Variants in KIF26B observed in about 807,000 individuals in gnomAD.
The protein encoded by KIF26B is kinesin family member 26B.
A neutral mutation model predicts 151.2 loss-of-function variants in KIF26B; 63 were observed. The observed-to-expected ratio is 0.42, with a 90% CI of 0.34 to 0.51. KIF26B has a LOEUF of 0.51. KIF26B is among the 20% of genes least tolerant of loss of function. The pLI, the probability that KIF26B is intolerant of heterozygous loss-of-function variation, is 0.07. For missense variants in KIF26B, 2,813 were observed against 2,913.6 expected, an observed-to-expected ratio of 0.97 and a Z score of 0.79; for synonymous variants, 1,357 against 1,262.1, an observed-to-expected ratio of 1.08 and a Z score of -1.59.
chr1:245,428,242 C>G (rs1197074588), intron 4 of KIF26B, among the ~76,000 whole-genome samples: 2 of 152,186 alleles, frequency 1.3e-5, no homozygotes, highest in Non-Finnish European at 2.9e-5. Flanking sequence ...AGAAGGGACT[C>G]TCACTCATGT....
intron 5 of KIF26B, among the ~76,000 whole-genome samples, chr1:245,584,336 T>G (rs1315523693): frequency 4.7e-5 from 7 of 148,218 alleles, no homozygotes; most frequent in Admixed American, 2.6e-4. Flanking sequence ...CCTCTTTTCT[T>G]TATAAATACC....
chr1:245,482,636 G>C (rs1308623491), intron 4 of KIF26B, among the ~76,000 whole-genome samples: 2 of 151,722 alleles, frequency 1.3e-5, no homozygotes, highest in Non-Finnish European at 3.0e-5. Context: ...GGCACAGCTG[G>C]GTAGGAGAGG....
rs150598487 is a variant in KIF26B at position 245,178,050 on chromosome 1, G to C, written c.465+21367G>C. ...GAGCTATCTTTGGCAGCTAGATTGG[G>C]ATGTTTCTGGGCAGAGATATTTGTC... On this transcript the variant is annotated intron_variant, in intron 2 of 14. Coordinates refer to ENST00000407071, the MANE Select transcript of KIF26B (RefSeq NM_018012.4). 5.4e-3 allele frequency among the ~76,000 whole-genome samples: 815 copies of C among 152,322 alleles called. 7 individuals carry two copies. Among genetic ancestry groups the C allele is most frequent in the Non-Finnish European group, 9.1e-3 (622 of 68,030 alleles).
At chr1:245,673,041 G>A (rs1256818910) in intron 10 of KIF26B, among the ~76,000 whole-genome samples, 1 of 151,328 alleles carries the variant, frequency 6.6e-6, no homozygotes, top group Non-Finnish European at 1.5e-5. Flanking sequence ...GCCATCTTAG[G>A]CCCAGTCCCC....
intron 3 of KIF26B, among the ~76,000 whole-genome samples, chr1:245,409,144 C>A (rs912533457): frequency 2.0e-5 from 3 of 152,242 alleles, no homozygotes; most frequent in African/African-American, 7.2e-5. Context: ...AGCATACCTG[C>A]AAGGTGAATT....
intron 2 of KIF26B, among the ~76,000 whole-genome samples, chr1:245,171,340 G>A (rs1407903786): frequency 1.3e-5 from 2 of 152,126 alleles, no homozygotes; most frequent in African/African-American, 2.4e-5. Context: ...TCGGGAGTTC[G>A]AAACCAGCCT....
chr1:245,475,966 T>C (rs1660029733), intron 4 of KIF26B, among the ~76,000 whole-genome samples: 1 of 151,886 alleles, frequency 6.6e-6, no homozygotes, highest in South Asian at 2.1e-4. Flanking sequence ...CGAATGTTCA[T>C]GGCAGCGTTA....
At chr1:245,536,640 T>TG (rs1244184716) in intron 4 of KIF26B, among the ~76,000 whole-genome samples, 1 of 152,180 alleles carries the variant, frequency 6.6e-6, no homozygotes, top group Admixed American at 6.5e-5. Flanking sequence ...TCGAGGTTTC[T>TG]GGGGGTCTAA....
At chr1:245,208,924 A>T (rs1264408685) in intron 2 of KIF26B, among the ~76,000 whole-genome samples, 3 of 152,194 alleles carry the variant, frequency 2.0e-5, no homozygotes, top group Non-Finnish European at 4.4e-5. Context: ...CTGTGTGGCC[A>T]TCGGCTCTGT....
rs549470018 is a variant in KIF26B, at chr1:245,667,050, A to G, written c.2259-17183A>G. The stretch of plus-strand genomic sequence containing the variant: ...CACCCTTGAAGACTGTGAGCTGTGC[A>G]GAACGAAGCAGGTCATGGCTTGTCC... On this transcript the variant is annotated intron_variant, in intron 10 of 14. Coordinates refer to ENST00000407071, the MANE Select transcript of KIF26B (RefSeq NM_018012.4). The surrounding 1 kb of genome is among the most constrained non-coding windows in gnomAD (Gnocchi z 4.3). Among the ~76,000 whole-genome samples the G allele has an allele frequency of 2.0e-5, 3 of 152,282 alleles. No homozygotes were observed. The highest frequency in any genetic ancestry group is 7.2e-5 in the African/African-American group (3 of 41,552).
chr1:245,183,815 G>A (rs1206257909), intron 2 of KIF26B, among the ~76,000 whole-genome samples: 2 of 152,010 alleles, frequency 1.3e-5, no homozygotes, highest in Non-Finnish European at 2.9e-5. Context: ...AGCAAATTAA[G>A]CATCAGAGAA....
rs780532242 is a variant in KIF26B, at chr1:245,391,986, C to T, written c.999+24619C>T. ...TTATAACTCCTATGCTGGAACATTT[C>T]GAGAGCAGAGTTACAGAACAAGAAG... On this transcript the variant is annotated intron_variant, in intron 3 of 14. Transcript: ENST00000407071. Among the ~76,000 whole-genome samples the T allele has an allele frequency of 3.3e-5, 5 of 150,298 alleles. No individual in the cohort carries two copies. The South Asian group carries it at 8.4e-4, about 25-fold the overall frequency.
At chr1:245,247,748 C>T (rs1262473633) in intron 2 of KIF26B, among the ~76,000 whole-genome samples, 1 of 152,336 alleles carries the variant, frequency 6.6e-6, no homozygotes. Flanking sequence ...ATCTCTTAAA[C>T]TAGAAGGCAG....
At chr1:245,303,192 ATGTTCTTTT>A (rs944732759) in intron 2 of KIF26B, among the ~76,000 whole-genome samples, 23 of 133,352 alleles carry the variant, frequency 1.7e-4, no homozygotes, top group Non-Finnish European at 2.7e-4. Context: ...ACTAAACTAA[ATGTTCTTTT>A]TTTTTTTTTT....
chr1:245,379,652 T>C lies in KIF26B; in HGVS notation c.999+12285T>C, dbSNP rs972755995. On this transcript the variant is annotated intron_variant, in intron 3 of 14. Transcript: ENST00000407071. ...TTTCTTTTAAAATTATTATATAATT[T>C]GCAAGTTTCGATAAATTGGAAAATT... is the stretch of plus-strand genomic sequence containing the variant. Among the ~76,000 whole-genome samples, 6 of 152,194 alleles carry C rather than the reference T, an allele frequency of 3.9e-5. No homozygotes were observed. In the South Asian group the frequency reaches 6.2e-4, roughly 16 times the overall value.
intron 4 of KIF26B, among the ~76,000 whole-genome samples, chr1:245,526,128 A>G (rs1661231620): frequency 6.6e-6 from 1 of 152,148 alleles, no homozygotes; most frequent in African/African-American, 2.4e-5. Context: ...CTTCCTGAAG[A>G]TTTCTTCTCT....
intron 10 of KIF26B, among the ~76,000 whole-genome samples, chr1:245,678,280 G>A (rs1471973318): frequency 6.6e-6 from 1 of 151,984 alleles, no homozygotes; most frequent in African/African-American, 2.4e-5. Flanking sequence ...TTGGGGCCTA[G>A]GGCTGGGAGA....
At chr1:245,413,154 G>A (rs1396989527) in intron 3 of KIF26B, among the ~76,000 whole-genome samples, 4 of 152,146 alleles carry the variant, frequency 2.6e-5, no homozygotes, top group South Asian at 2.1e-4. Context: ...GGACCACCCC[G>A]TGTGTTTTCG....
intron 14 of KIF26B, among the ~76,000 whole-genome samples, chr1:245,699,954 G>C (rs868048579): frequency 6.6e-6 from 1 of 152,058 alleles, no homozygotes; most frequent in South Asian, 2.1e-4. Flanking sequence ...GTGAAGGTGC[G>C]GAAGAAAGTG....
Sources: gnomAD v4.1 joint callset for allele counts (sites outside exome capture counted in the v4.1 genomes callset) on GRCh38, gnomAD v4.1.1 for gene constraint, Gnocchi (gnomAD v3.1) non-coding constraint, MANE v1.5 for transcripts, NCBI Gene and HGNC (gene_info 2026-07-23, HGNC 2026-07-21) for gene names.